The following TGFA variants were observed in gnomAD, a reference collection of about 807,000 sequenced individuals.
TGFA encodes protransforming growth factor alpha.
A neutral mutation model predicts 21.7 loss-of-function variants in TGFA; 12 were observed. That is an observed-to-expected ratio of 0.55 (90% CI 0.35 to 0.90). TGFA has a LOEUF of 0.90. TGFA is among the 40% of genes least tolerant of loss of function. TGFA has a pLI of 0.01. For missense variants in TGFA, 178 were observed against 210.8 expected (o/e 0.84, Z 0.96); for synonymous variants, 79 against 88.1 (o/e 0.90, Z 0.58).
At chr2:70,551,334 C>T (rs1191839619) in intron 1 of TGFA, among the ~76,000 whole-genome samples, 1 of 152,208 alleles carries the variant, frequency 6.6e-6, no homozygotes, top group Non-Finnish European at 1.5e-5. Context: ...ACCACAGGAA[C>T]CTGGGTTATG....
At chr2:70,482,949 G>A (rs1230373651) in intron 2 of TGFA, among the ~76,000 whole-genome samples, 2 of 152,128 alleles carry the variant, frequency 1.3e-5, no homozygotes, top group Admixed American at 6.5e-5. Flanking sequence ...AGTTAAAAAC[G>A]TCCTACCCTT....
intron 3 of TGFA, among the ~76,000 whole-genome samples, chr2:70,459,551 T>G (rs59756648): frequency 6.6e-6 from 1 of 152,138 alleles, no homozygotes; most frequent in South Asian, 2.1e-4. Flanking sequence ...GGCTACTGAT[T>G]GTCCTGGAGC....
chr2:70,504,819 G>A (rs1311406898), intron 2 of TGFA, among the ~76,000 whole-genome samples: 4 of 152,166 alleles, frequency 2.6e-5, no homozygotes, highest in Non-Finnish European at 5.9e-5. Flanking sequence ...TGAGATGTAT[G>A]TGTATCTGTG....
At chr2:70,512,968 T>G (rs1156538411) in intron 2 of TGFA, among the ~76,000 whole-genome samples, 3 of 152,138 alleles carry the variant, frequency 2.0e-5, no homozygotes, top group Non-Finnish European at 4.4e-5. Flanking sequence ...GCCGGGAAAC[T>G]AGGGATAGAG....
chr2:70,535,491 A>G lies in TGFA; in HGVS notation c.40+18237T>C, dbSNP rs186225444. On this transcript the variant is annotated intron_variant, in intron 1 of 5. Coordinates refer to ENST00000295400, the MANE Select transcript of TGFA (RefSeq NM_003236.4). Reference sequence around the variant, plus strand: ...TGTTATTCATTCCATTGCCTCTATAAGCATTAAGTAAAGAAAGTAGCTACC... The same window carrying G: ...TGTTATTCATTCCATTGCCTCTATAGGCATTAAGTAAAGAAAGTAGCTACC... Among the ~76,000 whole-genome samples, 430 of 152,350 alleles carry G rather than the reference A, an allele frequency of 2.8e-3. 2 individuals carry two copies. The highest frequency in any genetic ancestry group is 4.3e-3 in the Non-Finnish European group (292 of 68,042).
intron 2 of TGFA, among the ~76,000 whole-genome samples, chr2:70,498,636 A>G (rs1402062684): frequency 1.3e-5 from 2 of 152,020 alleles, no homozygotes; most frequent in African/African-American, 4.8e-5. Context: ...GGTGTGGTGG[A>G]TGCTGCCCCT....
chr2:70,468,923 C>G (rs1670654024), intron 2 of TGFA, among the ~76,000 whole-genome samples: 1 of 152,126 alleles, frequency 6.6e-6, no homozygotes, highest in Non-Finnish European at 1.5e-5. Flanking sequence ...AAACCAGCAC[C>G]TCTCCCAAGT....
At chr2:70,455,438 G>C (rs1670200848) in intron 4 of TGFA, among the ~76,000 whole-genome samples, 1 of 152,152 alleles carries the variant, frequency 6.6e-6, no homozygotes, top group African/African-American at 2.4e-5. Context: ...CTTGCCAGAG[G>C]GGCCCATCCA....
intron 2 of TGFA, among the ~76,000 whole-genome samples, chr2:70,476,912 A>C (rs1670950651): frequency 6.6e-6 from 1 of 152,244 alleles, no homozygotes; most frequent in Non-Finnish European, 1.5e-5. Flanking sequence ...TCCTTAGATA[A>C]AAGCCCTTCA....
At chr2:70,540,158 A>G (rs1358611021) in intron 1 of TGFA, among the ~76,000 whole-genome samples, 4 of 152,226 alleles carry the variant, frequency 2.6e-5, no homozygotes, top group Non-Finnish European at 5.9e-5. Flanking sequence ...CGTGGTAAGT[A>G]ATCCTTCCCT....
At chr2:70,535,709 TTTTG>T (rs1672951073) in intron 1 of TGFA, among the ~76,000 whole-genome samples, 1 of 152,222 alleles carries the variant, frequency 6.6e-6, no homozygotes, top group South Asian at 2.1e-4. Flanking sequence ...GAAAGGACTG[TTTTG>T]TTTGTTTTTC....
chr2:70,514,250 C>T (rs575991712), intron 2 of TGFA, among the ~76,000 whole-genome samples: 237 of 152,220 alleles, frequency 1.6e-3, no homozygotes, highest in Middle Eastern at 3.4e-3. Flanking sequence ...CTCACCAGGA[C>T]TACTCGTATA....
At chr2:70,465,167 A>G (rs6709121) in intron 3 of TGFA, among the ~76,000 whole-genome samples, 147,252 of 152,302 alleles carry the variant, frequency 0.97, 71,223 homozygotes, top group East Asian at 1. Flanking sequence ...CTAGCCCTTC[A>G]CCTGCACTTC....
intron 2 of TGFA, among the ~76,000 whole-genome samples, chr2:70,474,571 G>A (rs925311713): frequency 1.3e-5 from 2 of 152,358 alleles, no homozygotes; most frequent in East Asian, 3.9e-4. Flanking sequence ...GGGAGCAGTG[G>A]TTGAAAATAC....
intron 1 of TGFA, among the ~76,000 whole-genome samples, chr2:70,520,746 C>T (rs569905525): frequency 1.9e-4 from 29 of 152,112 alleles, no homozygotes; most frequent in Middle Eastern, 3.4e-3. Context: ...ACCAAGGCAC[C>T]GGACCGACCC....
chr2:70,539,127 G>C (rs1673058187), intron 1 of TGFA, among the ~76,000 whole-genome samples: 1 of 152,176 alleles, frequency 6.6e-6, no homozygotes, highest in African/African-American at 2.4e-5. Flanking sequence ...TATGTAATTT[G>C]TTTAGGCATA....
rs781896307 is a variant in TGFA at position 70,453,317 on chromosome 2, C to T, written c.376G>A (p.Val126Ile). Residue 126 changes from valine to isoleucine, a missense_variant, in exon 5 of 6, where the codon GTC becomes ATC. Val to Ile is a conservative substitution (Grantham distance 29, BLOSUM62 3). Transcript: ENST00000295400. The stretch of plus-strand genomic sequence containing the variant: ...CGGCACCACTCACAGTGTTTTCGGA[C>T]CTGGCAGCAGCTGCAAAGACACAGA... ...ITCVLIHCCQ[V>I]RKHCEWCRAL... 1 of 1,613,388 alleles carries T rather than the reference C, an allele frequency of 6.2e-7. No individual in the cohort carries two copies. Among genetic ancestry groups the T allele is most frequent in the Admixed American group, 1.7e-5 (1 of 60,010 alleles).
chr2:70,546,796 C>G (rs782474854), intron 1 of TGFA, among the ~76,000 whole-genome samples: 1 of 152,126 alleles, frequency 6.6e-6, no homozygotes, highest in Non-Finnish European at 1.5e-5. Flanking sequence ...CTCAAGTGAT[C>G]TGCCTGCCTC....
chr2:70,474,969 C>CGTGTGTGTGTGTGTGT (rs57147767), intron 2 of TGFA, among the ~76,000 whole-genome samples: 4 of 147,592 alleles, frequency 2.7e-5, no homozygotes, highest in Admixed American at 1.3e-4. Context: ...ACACAGCAGC[C>CGTGTGTGTGTGTGTGT]GTGTGTGTGT....
Sources: allele counts gnomAD v4.1 joint callset (sites outside exome capture counted in the v4.1 genomes callset), GRCh38; gene constraint gnomAD v4.1.1; transcripts MANE v1.5; gene names NCBI Gene and HGNC (gene_info 2026-07-23, HGNC 2026-07-21).